BANK1: variants seen among roughly 807,000 people sequenced by gnomAD.
BANK1 encodes B cell scaffold protein with ankyrin repeats 1, also known as B-cell scaffold protein with ankyrin repeats.
In BANK1, 95 loss-of-function variants were observed where a neutral mutation model predicts 94.5. The observed-to-expected ratio is 1.00, with a 90% CI of 0.85 to 1.19. BANK1 has a LOEUF of 1.19. Ranked by LOEUF, BANK1 falls within the 50% of genes most tolerant of loss-of-function variation. The pLI, the probability that BANK1 is intolerant of heterozygous loss-of-function variation, is 0.00. For missense variants in BANK1, 987 were observed against 932.2 expected, an observed-to-expected ratio of 1.06 and a Z score of -0.77; for synonymous variants, 334 against 308.4, an observed-to-expected ratio of 1.08 and a Z score of -0.87.
chr4:101,894,044 G>T (rs981771810), intron 5 of BANK1, among the ~76,000 whole-genome samples: 3 of 151,906 alleles, frequency 2.0e-5, no homozygotes, highest in African/African-American at 7.3e-5. Flanking sequence ...TCTCAATTTG[G>T]AGCATGTCTT....
At chr4:101,797,516 G>A (rs1170266163) in intron 1 of BANK1, among the ~76,000 whole-genome samples, 1 of 152,142 alleles carries the variant, frequency 6.6e-6, no homozygotes, top group African/African-American at 2.4e-5. Context: ...ACAATTAGGG[G>A]TTTGCAATGA....
intron 7 of BANK1, among the ~76,000 whole-genome samples, chr4:101,944,686 T>G (rs1201399545): frequency 6.6e-6 from 1 of 151,982 alleles, no homozygotes; most frequent in African/African-American, 2.4e-5. Flanking sequence ...TTAGGAACAC[T>G]TCCCAGAGAT....
At chr4:102,049,819 A>T (rs1291209104) in intron 11 of BANK1, among the ~76,000 whole-genome samples, 3 of 152,236 alleles carry the variant, frequency 2.0e-5, no homozygotes, top group Non-Finnish European at 4.4e-5. Flanking sequence ...GGGCGCAAGC[A>T]TGTGCACTAA....
intron 4 of BANK1, among the ~76,000 whole-genome samples, chr4:101,864,485 T>G (rs765003395): frequency 2.9e-4 from 44 of 152,292 alleles, no homozygotes; most frequent in Non-Finnish European, 4.4e-4. Context: ...AAAGAGCCCA[T>G]TTTTACAAGA....
At chr4:102,057,294 CTCTTTCTCTCTCCCTGTTTCTCTATT>C (rs1728261277) in intron 11 of BANK1, among the ~76,000 whole-genome samples, 1 of 151,324 alleles carries the variant, frequency 6.6e-6, no homozygotes, top group East Asian at 1.9e-4. Flanking sequence ...CTCTCTTTCT[CTCTTTCTCTCTCCCTGTTTCTCTATT>C]TCTCTCTCTC....
chr4:101,942,263 C>T (rs1723775989), intron 7 of BANK1, among the ~76,000 whole-genome samples: 1 of 151,862 alleles, frequency 6.6e-6, no homozygotes, highest in Admixed American at 6.6e-5. Flanking sequence ...ACTTCACAAC[C>T]TTAGAGCCAG....
At chr4:102,066,725 A>G (rs1447052325) in intron 13 of BANK1, among the ~76,000 whole-genome samples, 1 of 152,234 alleles carries the variant, frequency 6.6e-6, no homozygotes, top group Non-Finnish European at 1.5e-5. Flanking sequence ...AGGGATATTA[A>G]CAAACTCAGA....
At chr4:102,025,995 A>G (rs756291049) in intron 9 of BANK1, among the ~76,000 whole-genome samples, 18 of 152,212 alleles carry the variant, frequency 1.2e-4, no homozygotes, top group Non-Finnish European at 2.2e-4. Context: ...TACTTTAATC[A>G]CTTGGTAGCT....
intron 5 of BANK1, among the ~76,000 whole-genome samples, chr4:101,895,047 T>G (rs1423091541): frequency 1.3e-5 from 2 of 151,796 alleles, no homozygotes; most frequent in East Asian, 3.8e-4. Flanking sequence ...TATAAAGTTA[T>G]ATTTTCTTAT....
intron 5 of BANK1, among the ~76,000 whole-genome samples, chr4:101,873,146 C>T (rs1015828676): frequency 8.6e-5 from 13 of 151,902 alleles, no homozygotes; most frequent in Non-Finnish European, 1.0e-4. Context: ...ATATTTTGCC[C>T]GTGGTTCACT....
intron 8 of BANK1, among the ~76,000 whole-genome samples, chr4:102,021,999 G>A: frequency 6.6e-6 from 1 of 151,942 alleles, no homozygotes; most frequent in Non-Finnish European, 1.5e-5. Flanking sequence ...TAATATCTGT[G>A]ATTCTACATT....
At chr4:102,007,507 G>A (rs180897325) in intron 7 of BANK1, among the ~76,000 whole-genome samples, 27 of 152,016 alleles carry the variant, frequency 1.8e-4, no homozygotes, top group Middle Eastern at 6.8e-3. Flanking sequence ...TTAATAGGGG[G>A]CCAGGGAAAC....
chr4:101,807,550 T>C (rs1302618698), intron 1 of BANK1, among the ~76,000 whole-genome samples: 1 of 152,132 alleles, frequency 6.6e-6, no homozygotes, highest in Non-Finnish European at 1.5e-5. Flanking sequence ...CTCCTGGAGA[T>C]TGGATCCCTT....
At chr4:101,837,862 G>A (rs770303905) in intron 2 of BANK1, among the ~76,000 whole-genome samples, 1 of 151,766 alleles carries the variant, frequency 6.6e-6, no homozygotes, top group Non-Finnish European at 1.5e-5. Flanking sequence ...TTCTGTATAC[G>A]ACTCTGGATA....
intron 7 of BANK1, among the ~76,000 whole-genome samples, chr4:101,986,835 ATATATATGTG>A (rs754623333): frequency 0.21 from 21,004 of 102,320 alleles, 3,960 homozygotes; most frequent in Middle Eastern, 0.27. Context: ...ATATATATGT[ATATATATGTG>A]TATATATATG....
intron 5 of BANK1, among the ~76,000 whole-genome samples, chr4:101,879,446 T>A (rs1457026999): frequency 6.6e-6 from 1 of 151,968 alleles, no homozygotes; most frequent in Admixed American, 6.6e-5. Flanking sequence ...GTAACTAAAT[T>A]GAAGCCTAAA....
intron 7 of BANK1, among the ~76,000 whole-genome samples, chr4:102,004,079 A>G (rs993778439): frequency 1.3e-5 from 2 of 151,962 alleles, no homozygotes; most frequent in African/African-American, 2.4e-5. Flanking sequence ...CAGCAACTAT[A>G]ATCACCTGGC....
intron 1 of BANK1, among the ~76,000 whole-genome samples, chr4:101,825,819 A>G (rs1726340923): frequency 6.6e-6 from 1 of 152,098 alleles, no homozygotes; most frequent in Non-Finnish European, 1.5e-5. Context: ...GAGGTTATTG[A>G]CAAAATATAA....
intron 7 of BANK1, among the ~76,000 whole-genome samples, chr4:102,000,581 G>C (rs1726029052): frequency 2.6e-5 from 4 of 152,110 alleles, no homozygotes; most frequent in Admixed American, 2.6e-4. Flanking sequence ...CTGTGGTATG[G>C]ATTGCTTGCA....
Sources: gnomAD v4.1 joint callset for allele counts (sites outside exome capture counted in the v4.1 genomes callset) on GRCh38, gnomAD v4.1.1 for gene constraint, MANE v1.5 for transcripts, NCBI Gene and HGNC (gene_info 2026-07-23, HGNC 2026-07-21) for gene names.